DCC: variants seen among roughly 807,000 people sequenced by gnomAD.
DCC encodes netrin receptor DCC.
DCC carries 58 observed loss-of-function variants against 172.5 expected under a neutral mutation model. That is an observed-to-expected ratio of 0.34 (90% CI 0.27 to 0.42). The LOEUF (loss-of-function observed/expected upper bound fraction) is 0.42, where lower values mean the gene tolerates loss of function less well. Among genes scored for constraint, DCC ranks in the 10% least tolerant of loss-of-function variants. The pLI is 1.00. For synonymous variants in DCC, 709 were observed against 644.5 expected (o/e 1.10, Z -1.52); for missense variants, 1,740 against 1,791.0 (o/e 0.97, Z 0.51).
chr18:53,277,875 A>G (rs1399764255), intron 12 of DCC, among the ~76,000 whole-genome samples: 2 of 152,148 alleles, frequency 1.3e-5, no homozygotes, highest in Non-Finnish European at 2.9e-5. Context: ...GCTGCTGCCG[A>G]AACATTTCCA....
intron 8 of DCC, among the ~76,000 whole-genome samples, chr18:53,162,345 A>T (rs4380113): frequency 0.4 from 60,322 of 150,414 alleles, 13,031 homozygotes; most frequent in East Asian, 0.71. Context: ...ATATACTGAG[A>T]CCTACCACTT....
chr18:53,502,309 T>C (rs1474565398), intron 27 of DCC, among the ~76,000 whole-genome samples: 1 of 152,212 alleles, frequency 6.6e-6, no homozygotes, highest in Non-Finnish European at 1.5e-5. Context: ...CCTTTAGTGT[T>C]TCTCTCTTAT....
chr18:53,003,677 TTAGG>T (rs1284583407), intron 5 of DCC, among the ~76,000 whole-genome samples: 1 of 151,988 alleles, frequency 6.6e-6, no homozygotes, highest in Non-Finnish European at 1.5e-5. Flanking sequence ...GGTGAAGGTT[TTAGG>T]TAGGGAGGAA....
chr18:52,441,107 A>T (rs964152232), intron 1 of DCC, among the ~76,000 whole-genome samples: 7 of 152,216 alleles, frequency 4.6e-5, no homozygotes, highest in Non-Finnish European at 8.8e-5. Context: ...TCTTTCTATG[A>T]TTAACTTCCT....
intron 8 of DCC, among the ~76,000 whole-genome samples, chr18:53,166,185 A>G (rs532310798): frequency 6.6e-6 from 1 of 152,258 alleles, no homozygotes; most frequent in Non-Finnish European, 1.5e-5. Context: ...AAGGACAGTC[A>G]CTTGGTTTCT....
intron 15 of DCC, among the ~76,000 whole-genome samples, chr18:53,378,652 G>A (rs1339792693): frequency 1.3e-5 from 2 of 152,124 alleles, no homozygotes; most frequent in African/African-American, 2.4e-5. Flanking sequence ...ACAAATATTT[G>A]TTAAGCACCT....
intron 2 of DCC, among the ~76,000 whole-genome samples, chr18:52,791,124 C>G (rs1335588812): frequency 6.6e-6 from 1 of 152,138 alleles, no homozygotes; most frequent in Non-Finnish European, 1.5e-5. Context: ...TCAATGGCTG[C>G]CTCAAATGGT....
intron 3 of DCC, among the ~76,000 whole-genome samples, chr18:52,908,228 G>A (rs1025025793): frequency 1.1e-4 from 16 of 152,156 alleles, no homozygotes; most frequent in African/African-American, 3.4e-4. Context: ...AAAGTTTCCA[G>A]GTGCTTTAAT....
intron 1 of DCC, among the ~76,000 whole-genome samples, chr18:52,724,569 A>G (rs1257835339): frequency 6.6e-6 from 1 of 152,080 alleles, no homozygotes; most frequent in African/African-American, 2.4e-5. Context: ...CTCAATTTCA[A>G]ATTGTAACTT....
chr18:52,501,626 C>T (rs1002063143), intron 1 of DCC, among the ~76,000 whole-genome samples: 32 of 152,052 alleles, frequency 2.1e-4, no homozygotes, highest in African/African-American at 6.0e-4. Flanking sequence ...TCACAGAGTA[C>T]GGAAGTGGCA....
chr18:53,132,301 C>A (rs1437170576), intron 7 of DCC, among the ~76,000 whole-genome samples: 10 of 152,044 alleles, frequency 6.6e-5, no homozygotes, highest in Non-Finnish European at 1.5e-4. Context: ...CAATTTCAAG[C>A]TACTAACTTG....
intron 1 of DCC, among the ~76,000 whole-genome samples, chr18:52,440,011 G>C (rs576305938): frequency 5.8e-4 from 89 of 152,306 alleles, no homozygotes; most frequent in African/African-American, 2.1e-3. Flanking sequence ...ACAAGTTTGC[G>C]GGTCAGGGCA....
intron 1 of DCC, among the ~76,000 whole-genome samples, chr18:52,716,531 G>T (rs2036387505): frequency 6.6e-6 from 1 of 152,178 alleles, no homozygotes; most frequent in South Asian, 2.1e-4. Context: ...CTTGTACTTG[G>T]CATGGTCTTT....
chr18:53,217,260 T>TAC (rs1491574177), intron 12 of DCC, among the ~76,000 whole-genome samples: 2 of 94,812 alleles, frequency 2.1e-5, no homozygotes, highest in Non-Finnish European at 4.0e-5. Flanking sequence ...CTATATATAT[T>TAC]ATACACACAC....
chr18:53,437,679 G>A (rs893379646), intron 22 of DCC, among the ~76,000 whole-genome samples: 1 of 150,498 alleles, frequency 6.6e-6, no homozygotes, highest in African/African-American at 2.5e-5. Context: ...TCCATAAAAT[G>A]GGCATAAGTA....
chr18:53,290,830 CTTATT>C (rs1466252675), intron 12 of DCC, among the ~76,000 whole-genome samples: 12 of 152,104 alleles, frequency 7.9e-5, no homozygotes, highest in African/African-American at 2.9e-4. Flanking sequence ...AACACTATGA[CTTATT>C]TTATGACAAT....
intron 5 of DCC, among the ~76,000 whole-genome samples, chr18:52,993,381 C>A (rs946324743): frequency 1.3e-5 from 2 of 152,102 alleles, no homozygotes; most frequent in African/African-American, 4.8e-5. Context: ...AGGAGGAGCA[C>A]ATTATAACTC....
In DCC at chr18:53,284,341, TGTGGGAGGAACCTG is replaced by T. The variant is rs550765184; in HGVS notation, c.1912-21228_1912-21215del. 1.1e-4 allele frequency among the ~76,000 whole-genome samples: 16 copies of T among 152,260 alleles called. 1 individual carries two copies. The South Asian group carries it at 3.3e-3, about 32-fold the overall frequency. On this transcript the variant is annotated intron_variant, in intron 12 of 28. Transcript: ENST00000442544. ...TTGTAACTCCCACAATCCCACATGT[TGTGGGAGGAACCTG>T]GTGGGAGGTGAATGAATCATGGGGG... is the stretch of plus-strand genomic sequence containing the variant.
intron 1 of DCC, among the ~76,000 whole-genome samples, chr18:52,379,457 G>A (rs1449245896): frequency 1.3e-5 from 2 of 151,968 alleles, no homozygotes; most frequent in Non-Finnish European, 2.9e-5. Flanking sequence ...TTTTGACCAC[G>A]TATTTAATTT....
Sources: allele counts gnomAD v4.1 joint callset (sites outside exome capture counted in the v4.1 genomes callset), GRCh38; gene constraint gnomAD v4.1.1; transcripts MANE v1.5; gene names NCBI Gene and HGNC (gene_info 2026-07-23, HGNC 2026-07-21).